Variants in MACROD2 observed in about 807,000 individuals in gnomAD.
The protein encoded by MACROD2 is mono-ADP ribosylhydrolase 2.
Under a neutral mutation model 70.4 loss-of-function variants are expected in MACROD2, and 36 were observed. The ratio of observed to expected loss-of-function variants is 0.51; its 90% CI spans 0.39 to 0.68. The LOEUF is 0.68. Among genes scored for constraint, MACROD2 ranks in the 30% least tolerant of loss-of-function variants. MACROD2 has a pLI of 0.00. For synonymous variants in MACROD2, 172 were observed against 178.8 expected, an observed-to-expected ratio of 0.96 and a Z score of 0.30; for missense variants, 496 against 538.4, an observed-to-expected ratio of 0.92 and a Z score of 0.78.
At chr20:14,567,877 T>G (rs1425634259) in intron 4 of MACROD2, among the ~76,000 whole-genome samples, 1 of 152,032 alleles carries the variant, frequency 6.6e-6, no homozygotes, top group East Asian at 1.9e-4. Context: ...TTGTAGACAC[T>G]CCCTCTTCAT....
At chr20:15,387,669 A>G (rs1270467266) in intron 6 of MACROD2, among the ~76,000 whole-genome samples, 1 of 151,546 alleles carries the variant, frequency 6.6e-6, no homozygotes, top group Admixed American at 6.6e-5. Context: ...CCACACTCAG[A>G]CCTTACAGGC....
At chr20:15,899,771 G>A (rs1168708940) in intron 10 of MACROD2, among the ~76,000 whole-genome samples, 1 of 152,070 alleles carries the variant, frequency 6.6e-6, no homozygotes, top group African/African-American at 2.4e-5. Context: ...CTGAACCCTT[G>A]CAATTCTAAA....
At chr20:14,159,588 A>G (rs1022237654) in intron 3 of MACROD2, among the ~76,000 whole-genome samples, 4 of 152,174 alleles carry the variant, frequency 2.6e-5, no homozygotes, top group Non-Finnish European at 5.9e-5. Context: ...CTGTAACTTT[A>G]CTGAAATTAT....
chr20:16,028,037 T>G (rs966011828), intron 15 of MACROD2, among the ~76,000 whole-genome samples: 2 of 152,226 alleles, frequency 1.3e-5, no homozygotes, highest in African/African-American at 4.8e-5. Flanking sequence ...GTGATCAGAA[T>G]GCAGCTCAGT....
intron 4 of MACROD2, among the ~76,000 whole-genome samples, chr20:14,654,927 A>C (rs1193241162): frequency 6.6e-6 from 1 of 152,224 alleles, no homozygotes; most frequent in African/African-American, 2.4e-5. Flanking sequence ...CAAAATGGAA[A>C]GCATTAGATT....
At chr20:15,499,222 T>C (rs1038928495) in intron 7 of MACROD2, among the ~76,000 whole-genome samples, 3 of 152,204 alleles carry the variant, frequency 2.0e-5, no homozygotes, top group African/African-American at 7.2e-5. Context: ...AAGACCTGAT[T>C]ATCTCATGCT....
chr20:14,753,098 G>C (rs1330542057), intron 5 of MACROD2, among the ~76,000 whole-genome samples: 1 of 152,034 alleles, frequency 6.6e-6, no homozygotes, highest in African/African-American at 2.4e-5. Flanking sequence ...TCTTTGCCTA[G>C]TTAACTCCTA....
chr20:15,981,152 C>A (rs147213881), intron 13 of MACROD2, among the ~76,000 whole-genome samples: 49 of 152,284 alleles, frequency 3.2e-4, no homozygotes, highest in African/African-American at 1.1e-3. Flanking sequence ...GTCCACTGGT[C>A]AGGCAGCTTA....
intron 3 of MACROD2, among the ~76,000 whole-genome samples, chr20:14,447,374 A>T (rs1279307950): frequency 6.6e-6 from 1 of 152,186 alleles, no homozygotes; most frequent in Non-Finnish European, 1.5e-5. Flanking sequence ...CAACAAGTGT[A>T]TTCAAAAGTC....
chr20:15,348,772 C>T (rs2078195224), intron 6 of MACROD2, among the ~76,000 whole-genome samples: 1 of 151,938 alleles, frequency 6.6e-6, no homozygotes, highest in African/African-American at 2.4e-5. Flanking sequence ...AAAGACCTGC[C>T]CCCGTGTTTC....
At chr20:14,854,116 T>A (rs2122325695) in intron 5 of MACROD2, among the ~76,000 whole-genome samples, 1 of 152,238 alleles carries the variant, frequency 6.6e-6, no homozygotes, top group Admixed American at 6.5e-5. Flanking sequence ...ATCATTACCC[T>A]GATTTTTGTC....
chr20:15,614,922 C>A (rs1171569660), intron 8 of MACROD2, among the ~76,000 whole-genome samples: 3 of 152,274 alleles, frequency 2.0e-5, no homozygotes, highest in Middle Eastern at 3.4e-3. Context: ...ATTCTGCATA[C>A]TTCTGTTTTT....
chr20:14,697,331 A>G (rs961805590), intron 5 of MACROD2, among the ~76,000 whole-genome samples: 17 of 152,232 alleles, frequency 1.1e-4, no homozygotes, highest in African/African-American at 2.2e-4. Context: ...ACATCAAAAT[A>G]TATCCAACAA....
At chr20:15,252,012 A>T (rs748183206) in intron 6 of MACROD2, among the ~76,000 whole-genome samples, 2 of 152,178 alleles carry the variant, frequency 1.3e-5, no homozygotes, top group East Asian at 1.9e-4. Flanking sequence ...TGTGGCTCTA[A>T]CTTTATCAAT....
At chr20:15,772,692 C>A (rs1350152974) in intron 8 of MACROD2, among the ~76,000 whole-genome samples, 1 of 152,060 alleles carries the variant, frequency 6.6e-6, no homozygotes, top group African/African-American at 2.4e-5. Flanking sequence ...ACCTTCTTCA[C>A]ATGGTGGCAA....
At chr20:14,813,604 A>G (rs2122182942) in intron 5 of MACROD2, among the ~76,000 whole-genome samples, 1 of 152,082 alleles carries the variant, frequency 6.6e-6, no homozygotes, top group Middle Eastern at 3.4e-3. Context: ...GGATATTTTA[A>G]AGGATACAAA....
intron 5 of MACROD2, among the ~76,000 whole-genome samples, chr20:14,785,557 T>A (rs983903843): frequency 6.6e-6 from 1 of 152,024 alleles, no homozygotes; most frequent in Non-Finnish European, 1.5e-5. Flanking sequence ...TCAATCTATT[T>A]CATAGCTTAC....
At chr20:14,321,257 C>T (rs2082657281) in intron 3 of MACROD2, among the ~76,000 whole-genome samples, 3 of 151,878 alleles carry the variant, frequency 2.0e-5, no homozygotes, top group South Asian at 2.1e-4. Flanking sequence ...CCCAGCTACT[C>T]GGGAGGCTGA....
intron 5 of MACROD2, among the ~76,000 whole-genome samples, chr20:15,093,890 A>G (rs2075809992): frequency 6.6e-6 from 1 of 152,168 alleles, no homozygotes; most frequent in Non-Finnish European, 1.5e-5. Context: ...AAACTTTTTT[A>G]CAGATGCAGA....
Sources: gnomAD v4.1 joint callset for allele counts (sites outside exome capture counted in the v4.1 genomes callset) on GRCh38, gnomAD v4.1.1 for gene constraint, MANE v1.5 for transcripts, NCBI Gene and HGNC (gene_info 2026-07-23, HGNC 2026-07-21) for gene names.